The following SCAP variants were observed in gnomAD, a reference collection of about 807,000 sequenced individuals.
The protein encoded by SCAP is SREBF chaperone, also known as sterol regulatory element-binding protein cleavage-activating protein.
SCAP carries 65 observed loss-of-function variants against 123.6 expected under a neutral mutation model. That is an observed-to-expected ratio of 0.53 (90% CI 0.43 to 0.65). The LOEUF (loss-of-function observed/expected upper bound fraction) is 0.65. Ranked by LOEUF, SCAP falls within the 30% of genes least tolerant of loss-of-function variation. The probability of loss-of-function intolerance (pLI) is 0.00; values close to 1 mark genes in which losing one functional copy is unlikely to be tolerated. For missense variants in SCAP, 1,398 were observed against 1,712.5 expected (o/e 0.82, Z 3.24); for synonymous variants, 740 against 726.3 (o/e 1.02, Z -0.30).
At chr3:47,465,675 G>A (rs1321178056) in intron 1 of SCAP, among the ~76,000 whole-genome samples, 1 of 151,952 alleles carries the variant, frequency 6.6e-6, no homozygotes, top group Non-Finnish European at 1.5e-5. Context: ...AGGCTGAGGT[G>A]GGAGGATCAC....
At chr3:47,430,362 A>G (rs1576272390) in intron 3 of SCAP, among the ~76,000 whole-genome samples, 1 of 152,320 alleles carries the variant, frequency 6.6e-6, no homozygotes, top group African/African-American at 2.4e-5. Context: ...TCACATATGC[A>G]ACCCTCAGTA....
Position 47,414,099 on chromosome 3 carries a change from C to A in SCAP, c.3595G>T (p.Asp1199Tyr). The A allele has an allele frequency of 2.5e-6, 4 of 1,613,432 alleles. No individual in the cohort carries two copies. The highest frequency in any genetic ancestry group is 3.4e-6 in the Non-Finnish European group (4 of 1,180,024). ...CCCAAGCTTGCACCACAGCCCAGGT[C>A]CTGGAGGCAAGGACATGACAAGCTC... ...TGIKFYSIQQ[D>Y]LGCGASLGVI... Residue 1199 changes from aspartate (D) to tyrosine (Y), a missense_variant and splice_region_variant, in exon 23 of 23, where the codon GAC becomes TAC. By Grantham distance (160) the Asp-to-Tyr change is radical (BLOSUM62 -3). Transcript: ENST00000265565.
At chr3:47,451,900 T>C (rs1313742972) in intron 1 of SCAP, among the ~76,000 whole-genome samples, 1 of 59,694 alleles carries the variant, frequency 1.7e-5, no homozygotes, top group African/African-American at 4.7e-5. Context: ...CTCTCCCTGT[T>C]CTGGTTTCTT....
chr3:47,454,899 T>G (rs970325722), intron 1 of SCAP, among the ~76,000 whole-genome samples: 5 of 151,632 alleles, frequency 3.3e-5, no homozygotes, highest in Non-Finnish European at 5.9e-5. Context: ...ATACAGGCTA[T>G]GCATTTAACC....
At chr3:47,463,477 G>A (rs1222981012) in intron 1 of SCAP, among the ~76,000 whole-genome samples, 1 of 152,120 alleles carries the variant, frequency 6.6e-6, no homozygotes, top group South Asian at 2.1e-4. Context: ...AGAGGCAGGC[G>A]GATCACTTGA....
chr3:47,457,228 A>C (rs1707460540), intron 1 of SCAP, among the ~76,000 whole-genome samples: 1 of 152,164 alleles, frequency 6.6e-6, no homozygotes, highest in Non-Finnish European at 1.5e-5. Context: ...GCAAGATGGA[A>C]GGGAAACTTT....
At chr3:47,432,183 GGT>G (rs1706386280) in intron 3 of SCAP, among the ~76,000 whole-genome samples, 2 of 151,862 alleles carry the variant, frequency 1.3e-5, no homozygotes, top group Admixed American at 6.6e-5. Flanking sequence ...CAGGCGTGGT[GGT>G]GCGTGCCTGT....
At chr3:47,459,758 A>G (rs1222956176) in intron 1 of SCAP, among the ~76,000 whole-genome samples, 1 of 152,224 alleles carries the variant, frequency 6.6e-6, no homozygotes, top group African/African-American at 2.4e-5. Context: ...TCAGCTGTGC[A>G]CGTATTGTCT....
At chr3:47,459,270 A>G (rs1479860745) in intron 1 of SCAP, among the ~76,000 whole-genome samples, 1 of 152,234 alleles carries the variant, frequency 6.6e-6, no homozygotes, top group Non-Finnish European at 1.5e-5. Flanking sequence ...ACACATGAGC[A>G]TATCAGGCCA....
At chr3:47,434,914 A>G (rs1476963299) in intron 3 of SCAP, 94 bp downstream of exon 3, 5 of 1,517,576 alleles carry the variant, frequency 3.3e-6, no homozygotes, top group Non-Finnish European at 4.6e-6. Context: ...ACAAATCAGA[A>G]GCTGACCAAC....
chr3:47,470,231 T>C (rs1285605147), intron 1 of SCAP, among the ~76,000 whole-genome samples: 1 of 152,194 alleles, frequency 6.6e-6, no homozygotes, highest in African/African-American at 2.4e-5. Context: ...CAAACCATCA[T>C]ACATTTAGGC....
rs117953394 is a variant in SCAP, at chr3:47,428,239, G to A, written c.410+274C>T. 1.2e-3 allele frequency among the ~76,000 whole-genome samples: 178 copies of A among 152,208 alleles called. 2 individuals are homozygous for A. In the East Asian group the frequency reaches 0.032, roughly 28 times the overall value. On this transcript the variant is annotated intron_variant, in intron 4 of 22. Transcript: ENST00000265565. ...ATAACCCACAGGCAGGAAGCCATGT[G>A]GGTCATGAGTTAGCACAGTGGACAC...
intron 1 of SCAP, among the ~76,000 whole-genome samples, chr3:47,448,282 A>T (rs1401380096): frequency 6.6e-6 from 1 of 152,096 alleles, no homozygotes; most frequent in African/African-American, 2.4e-5. Context: ...TTGCTAGTAC[A>T]TTGATTTTTT....
rs1706239302 is a variant in SCAP, at chr3:47,428,625, A to G, written c.298T>C (p.Ser100Pro). 6.2e-7 allele frequency: 1 copy of G among 1,614,160 alleles called. No individual in the cohort carries two copies. Among genetic ancestry groups the G allele is most frequent in the East Asian group, 2.2e-5 (1 of 44,882 alleles). ...TTCTTGTGCCAGGGAAACACTGAGG[A>G]CTTCACAAATATCTGCTGGACATAA... ...VAYVQQIFVK[S>P]SVFPWHKNLL... Residue 100 changes from serine to proline, a missense_variant, in exon 4 of 23, where the codon TCC becomes CCC. By Grantham distance (74) the Ser-to-Pro change is moderately conservative. This residue lies in a region of SCAP where 319 missense variants were observed against 432.4 expected (regional missense o/e 0.74). Transcript: ENST00000265565.
intron 1 of SCAP, among the ~76,000 whole-genome samples, chr3:47,452,369 C>T (rs1036917022): frequency 6.6e-6 from 1 of 151,832 alleles, no homozygotes; most frequent in Admixed American, 6.6e-5. Context: ...GAAAACAAAC[C>T]ACTTGTTGAA....
chr3:47,426,279 G>T, intron 6 of SCAP, 110 bp from the exon 7 acceptor site: 1 of 1,095,980 alleles, frequency 9.1e-7, no homozygotes, highest in Non-Finnish European at 1.3e-6. Flanking sequence ...CCCCTGTGTT[G>T]AAAGGGAACT....
chr3:47,426,256 G>C (rs1042103986), intron 6 of SCAP, 87 bp from the exon 7 acceptor site: 1 of 1,349,254 alleles, frequency 7.4e-7, no homozygotes, highest in African/African-American at 1.5e-5. Flanking sequence ...GGTCCATCAG[G>C]ACCTCCCTCC....
At chr3:47,438,175 C>A (rs1706658920) in intron 2 of SCAP, among the ~76,000 whole-genome samples, 1 of 152,184 alleles carries the variant, frequency 6.6e-6, no homozygotes, top group Non-Finnish European at 1.5e-5. Flanking sequence ...TTGTGAAACG[C>A]CTCTTCAAGT....
intron 8 of SCAP, among the ~76,000 whole-genome samples, chr3:47,424,711 A>C (rs1449421214): frequency 6.6e-6 from 1 of 152,216 alleles, no homozygotes; most frequent in Non-Finnish European, 1.5e-5. Context: ...GGTGTTTAAC[A>C]GTGTCAAGCT....
Sources: gnomAD v4.1 joint callset for allele counts (sites outside exome capture counted in the v4.1 genomes callset) on GRCh38, gnomAD v4.1.1 for gene constraint, gnomAD v4.1.1 regional missense constraint, MANE v1.5 for transcripts, NCBI Gene and HGNC (gene_info 2026-07-23, HGNC 2026-07-21) for gene names.